Variants in NECTIN1 observed in about 807,000 individuals in gnomAD.
The protein encoded by NECTIN1 is nectin-1.
A neutral mutation model predicts 48.0 loss-of-function variants in NECTIN1; 23 were observed. The ratio of observed to expected loss-of-function variants is 0.48; its 90% CI spans 0.34 to 0.68. The LOEUF is 0.68. Ranked by LOEUF, NECTIN1 falls within the 30% of genes least tolerant of loss-of-function variation. The pLI is 0.01. For missense variants in NECTIN1, 591 were observed against 709.9 expected (o/e 0.83, Z 1.90); for synonymous variants, 270 against 288.9 (o/e 0.93, Z 0.66).
At position 119,684,058 on chromosome 11, in the gene NECTIN1, A is replaced by G. The variant is rs368148818; in HGVS notation, c.80-5293T>C. 6.8e-4 allele frequency among the ~76,000 whole-genome samples: 104 copies of G among 152,330 alleles called. No individual in the cohort carries two copies. Among genetic ancestry groups the G allele is most frequent in the African/African-American group, 2.4e-3 (100 of 41,574 alleles). Reference sequence around the variant, plus strand: ...CTGCCATGGAGCTCATCCGCAAGCCAGTGCCACAGGTTCCCACGCAGCGGG... The same window carrying G: ...CTGCCATGGAGCTCATCCGCAAGCCGGTGCCACAGGTTCCCACGCAGCGGG... On this transcript the variant is annotated intron_variant, in intron 1 of 5. Coordinates refer to ENST00000264025, the MANE Select transcript of NECTIN1 (RefSeq NM_002855.5). The surrounding 1 kb of genome is among the most constrained non-coding windows in gnomAD (Gnocchi z 5.2).
At chr11:119,714,100 C>A (rs1270377211) in intron 1 of NECTIN1, among the ~76,000 whole-genome samples, 1 of 152,148 alleles carries the variant, frequency 6.6e-6, no homozygotes, top group Non-Finnish European at 1.5e-5. Context: ...GCTGCAGGAA[C>A]CCCAACTCAG....
intron 1 of NECTIN1, among the ~76,000 whole-genome samples, chr11:119,689,471 G>A (rs371550168): frequency 1.3e-5 from 2 of 152,224 alleles, no homozygotes; most frequent in African/African-American, 2.4e-5. Flanking sequence ...CAAGGCTTTG[G>A]AGTCAGAATT....
At chr11:119,721,230 C>T (rs1202752277) in intron 1 of NECTIN1, among the ~76,000 whole-genome samples, 3 of 152,240 alleles carry the variant, frequency 2.0e-5, no homozygotes, top group Non-Finnish European at 4.4e-5. Context: ...CCCAGAACAG[C>T]CCTGGAGGGA....
Position 119,728,678 on chromosome 11 carries a change from C to T in NECTIN1, c.-125G>A, listed in dbSNP as rs1375764857. ...GCGCTCGAAGGATCCAGGTCAGCTGCAGCCGTCGGCCGGGGCGGGGTGGGC... is the reference window on the plus strand; with the variant it reads ...GCGCTCGAAGGATCCAGGTCAGCTGTAGCCGTCGGCCGGGGCGGGGTGGGC... On this transcript the variant is annotated 5_prime_UTR_variant, in exon 1 of 6. Coordinates refer to ENST00000264025, the MANE Select transcript of NECTIN1 (RefSeq NM_002855.5). 4 of 253,592 alleles carry T rather than the reference C, an allele frequency of 1.6e-5. No individual in the cohort carries two copies. The highest frequency in any genetic ancestry group is 7.0e-5 in the African/African-American group (3 of 42,588). 15.7% of individuals were successfully genotyped at this position (253,592 alleles called of 1,614,324 possible). A position where few individuals can be genotyped will look rare whatever the true frequency, so the allele number is the denominator to read the frequency against.
intron 1 of NECTIN1, among the ~76,000 whole-genome samples, chr11:119,702,846 G>A (rs1478075787): frequency 6.6e-6 from 1 of 152,164 alleles, no homozygotes; most frequent in East Asian, 1.9e-4. Flanking sequence ...CAGATGCAGG[G>A]CCTTCCCAGG....
chr11:119,688,029 G>A (rs574207804), intron 1 of NECTIN1, among the ~76,000 whole-genome samples: 7 of 152,248 alleles, frequency 4.6e-5, no homozygotes, highest in East Asian at 1.9e-4. Flanking sequence ...ACATGGCAGC[G>A]GGGGGAGGGG....
chr11:119,728,451 G>A (rs753208596), intron 1 of NECTIN1, 24 bp downstream of exon 1: 2 of 1,581,828 alleles, frequency 1.3e-6, no homozygotes, highest in African/African-American at 1.4e-5. Flanking sequence ...TGGGGGTGGG[G>A]ACAGCAGAGG....
intron 1 of NECTIN1, chr11:119,712,809 CT>C (rs1316879537): frequency 6.6e-6 from 1 of 152,272 alleles, no homozygotes; most frequent in Non-Finnish European, 1.5e-5. Flanking sequence ...CTGGAGTCTC[CT>C]GGTCTTCAGG....
rs1203980153 is a variant in NECTIN1, at chr11:119,684,153, C to T, written c.80-5388G>A. 1.3e-5 allele frequency among the ~76,000 whole-genome samples: 2 copies of T among 152,258 alleles called. No individual in the cohort carries two copies. Among genetic ancestry groups the T allele is most frequent in the African/African-American group, 2.4e-5 (1 of 41,480 alleles). ...TCTTCCTGCCCTTTTAACCCCCAGA[C>T]CCCTCTTCCTAGCCAAGCAGGCTGG... On this transcript the variant is annotated intron_variant, in intron 1 of 5. Coordinates refer to ENST00000264025, the MANE Select transcript of NECTIN1 (RefSeq NM_002855.5). This position sits in a 1 kb window ranked among gnomAD's most constrained non-coding sequence, Gnocchi z 5.2.
intron 5 of NECTIN1, among the ~76,000 whole-genome samples, chr11:119,655,953 A>G (rs1242891988): frequency 6.6e-6 from 1 of 152,134 alleles, no homozygotes; most frequent in Non-Finnish European, 1.5e-5. Flanking sequence ...CCTGGGGTGC[A>G]ATGGTACAAT....
chr11:119,674,963 CCTGA>C (rs1232141954), intron 5 of NECTIN1, among the ~76,000 whole-genome samples, 192 bp downstream of exon 5: 1 of 152,190 alleles, frequency 6.6e-6, no homozygotes, highest in Non-Finnish European at 1.5e-5. Flanking sequence ...TGGGGGTCAC[CCTGA>C]CTGTCTCATT....
intron 5 of NECTIN1, among the ~76,000 whole-genome samples, chr11:119,671,293 AG>A (rs1429981448): frequency 2.0e-4 from 30 of 152,034 alleles, no homozygotes; most frequent in Admixed American, 1.9e-3. Context: ...GCCAGGCCGC[AG>A]GGTCATTTGT....
chr11:119,661,032 A>G lies in NECTIN1; in HGVS notation c.*3715T>C, dbSNP rs1388553496. On this transcript the variant is annotated 3_prime_UTR_variant, in exon 6 of 6. Transcript: ENST00000264025. ...TTATTTATAAAAAAGTACATTTTTA[A>G]TCCTCAGTACATTTTCAACCCATCA... 4 of 981,008 alleles carry G rather than the reference A, an allele frequency of 4.1e-6. No individual in the cohort carries two copies. In the African/African-American group the frequency reaches 5.3e-5, roughly 13 times the overall value. The allele number at this position is 981,008 out of a possible 1,614,324, so 60.8% of individuals were successfully genotyped here.
rs184460853 is a variant in NECTIN1, at chr11:119,699,607, C to T, written c.80-20842G>A. Among the ~76,000 whole-genome samples the T allele has an allele frequency of 2.0e-5, 3 of 152,334 alleles. No individual in the cohort carries two copies. In the East Asian group the frequency reaches 5.8e-4, roughly 29 times the overall value. Reference sequence around the variant, plus strand: ...GACTGGAGGGCCCGTTCCATCTATGCCTGCTCCCTCATCACACACAAACAT... The same window carrying T: ...GACTGGAGGGCCCGTTCCATCTATGTCTGCTCCCTCATCACACACAAACAT... On this transcript the variant is annotated intron_variant, in intron 1 of 5. Transcript: ENST00000264025.
chr11:119,679,431 C>G (rs559184208), intron 1 of NECTIN1, among the ~76,000 whole-genome samples: 4 of 152,294 alleles, frequency 2.6e-5, no homozygotes, highest in African/African-American at 9.6e-5. Context: ...GGTGCACTAG[C>G]TGGGCCCCTC....
At chr11:119,671,860 AAC>A (rs1864865417) in intron 5 of NECTIN1, among the ~76,000 whole-genome samples, 1 of 152,230 alleles carries the variant, frequency 6.6e-6, no homozygotes, top group South Asian at 2.1e-4. Context: ...CAGACCTCCC[AAC>A]ACACTGCCAT....
At position 119,728,866 on chromosome 11, in the gene NECTIN1, G is replaced by C; in HGVS notation, c.-313C>G. The C allele has an allele frequency of 3.5e-6, 1 of 283,052 alleles. No individual in the cohort carries two copies. The highest frequency in any genetic ancestry group is 6.5e-6 in the Non-Finnish European group (1 of 152,706). 17.5% of individuals were successfully genotyped at this position (283,052 alleles called of 1,614,324 possible). On this transcript the variant is annotated 5_prime_UTR_variant, in exon 1 of 6. Coordinates refer to ENST00000264025, the MANE Select transcript of NECTIN1 (RefSeq NM_002855.5). ...TTCTTCCACGCAGAGCGGGGCTGGG[G>C]AGAGGGACCCACCCCCGGCGCGCCC... is the stretch of plus-strand genomic sequence containing the variant.
chr11:119,669,761 A>G (rs1035798619), intron 5 of NECTIN1, among the ~76,000 whole-genome samples: 1 of 151,926 alleles, frequency 6.6e-6, no homozygotes, highest in Non-Finnish European at 1.5e-5. Context: ...TGCCCCCTGA[A>G]AGCCACTTCC....
Position 119,663,570 on chromosome 11 carries a change from A to T in NECTIN1, c.*1177T>A. 1 of 985,460 alleles carries T rather than the reference A, an allele frequency of 1.0e-6. No individual in the cohort carries two copies. The highest frequency in any genetic ancestry group is 1.2e-6 in the Non-Finnish European group (1 of 829,934). 61.0% of individuals were successfully genotyped at this position (985,460 alleles called of 1,614,324 possible). On this transcript the variant is annotated 3_prime_UTR_variant, in exon 6 of 6. Coordinates refer to ENST00000264025, the MANE Select transcript of NECTIN1 (RefSeq NM_002855.5). ...TTGTATGGACTCCTCAGTCCCTCGGACTGTGTTTGCAGAGCTTCTGCCATG... is the reference window on the plus strand; with the variant it reads ...TTGTATGGACTCCTCAGTCCCTCGGTCTGTGTTTGCAGAGCTTCTGCCATG...
Sources: gnomAD v4.1 joint callset for allele counts (sites outside exome capture counted in the v4.1 genomes callset) on GRCh38, gnomAD v4.1.1 for gene constraint, Gnocchi (gnomAD v3.1) non-coding constraint, MANE v1.5 for transcripts, NCBI Gene and HGNC (gene_info 2026-07-23, HGNC 2026-07-21) for gene names.